The following CSTPP1 variants were observed in gnomAD, a reference collection of about 807,000 sequenced individuals.
The protein encoded by CSTPP1 is UPF0705 protein C11orf49.
At chr11:46,978,491 A>G in the CSTPP1 span, among the ~76,000 whole-genome samples, 1 of 152,228 alleles carries the variant, frequency 6.6e-6, no homozygotes, top group Non-Finnish European at 1.5e-5. Context: ...GTGTTTTTAT[A>G]CCATTAATTT....
the CSTPP1 span, among the ~76,000 whole-genome samples, chr11:47,141,137 A>G: frequency 6.6e-6 from 1 of 152,224 alleles, no homozygotes; most frequent in Non-Finnish European, 1.5e-5. Context: ...CATTTAAAGT[A>G]TAAAATTCAA....
the CSTPP1 span, chr11:46,987,920 TCAAAA>T: frequency 6.6e-6 from 1 of 152,398 alleles, no homozygotes; most frequent in Non-Finnish European, 1.5e-5. Flanking sequence ...TAGACACTTC[TCAAAA>T]CAAGACATAC....
chr11:46,984,833 T>A, the CSTPP1 span, among the ~76,000 whole-genome samples: 1 of 151,838 alleles, frequency 6.6e-6, no homozygotes. Flanking sequence ...TTTTATAAGA[T>A]CAGGATAAAC....
At chr11:47,029,304 G>T in the CSTPP1 span, among the ~76,000 whole-genome samples, 3 of 151,964 alleles carry the variant, frequency 2.0e-5, no homozygotes, top group Non-Finnish European at 4.4e-5. Flanking sequence ...GCAACACAAG[G>T]TTACTTTAAA....
At chr11:47,062,390 A>T in the CSTPP1 span, among the ~76,000 whole-genome samples, 1 of 152,160 alleles carries the variant, frequency 6.6e-6, no homozygotes, top group Non-Finnish European at 1.5e-5. Context: ...ATTTTATCAG[A>T]GGATAGGTTA....
chr11:47,093,438 C>T, the CSTPP1 span, among the ~76,000 whole-genome samples: 1 of 152,150 alleles, frequency 6.6e-6, no homozygotes, highest in East Asian at 1.9e-4. Context: ...TTATTGAGTA[C>T]CTTGTGTGCC....
chr11:47,159,635 G>A, the CSTPP1 span: 1 of 456,272 alleles, frequency 2.2e-6, no homozygotes, highest in East Asian at 7.0e-5. Context: ...ACCAGTAGCA[G>A]CCACTAGGAA....
the CSTPP1 span, among the ~76,000 whole-genome samples, chr11:47,008,522 G>A: frequency 1.3e-5 from 2 of 151,406 alleles, no homozygotes; most frequent in East Asian, 3.9e-4. Flanking sequence ...AAAGTTTTTT[G>A]TAAAGATTTG....
the CSTPP1 span, among the ~76,000 whole-genome samples, chr11:47,062,442 A>G: frequency 6.6e-6 from 1 of 152,220 alleles, no homozygotes; most frequent in Non-Finnish European, 1.5e-5. Context: ...TATATTGTAT[A>G]GGAACTTCTG....
At chr11:47,124,257 G>A in the CSTPP1 span, among the ~76,000 whole-genome samples, 1 of 150,074 alleles carries the variant, frequency 6.7e-6, no homozygotes, top group South Asian at 2.1e-4. Flanking sequence ...CTGAGTAGCT[G>A]GGATTACAGG....
the CSTPP1 span, chr11:46,948,043 A>T: frequency 2.2e-6 from 1 of 456,290 alleles, no homozygotes; most frequent in East Asian, 6.9e-5. Flanking sequence ...TGAAACAATA[A>T]CACTTTTGAA....
the CSTPP1 span, among the ~76,000 whole-genome samples, chr11:47,035,396 T>C: frequency 6.6e-6 from 1 of 152,328 alleles, no homozygotes; most frequent in Non-Finnish European, 1.5e-5. Flanking sequence ...ATGAGAACCA[T>C]GAGAGATCAC....
chr11:47,140,198 C>A, the CSTPP1 span, among the ~76,000 whole-genome samples: 371 of 151,956 alleles, frequency 2.4e-3, 1 homozygote, highest in African/African-American at 8.2e-3. Flanking sequence ...GGATAATTTT[C>A]TTTCCTGATG....
At chr11:46,990,486 T>C in the CSTPP1 span, among the ~76,000 whole-genome samples, 3 of 152,336 alleles carry the variant, frequency 2.0e-5, no homozygotes, top group East Asian at 5.8e-4. Flanking sequence ...CATTTTTAAA[T>C]GGGGTTATTT....
chr11:47,002,849 T>G, the CSTPP1 span, among the ~76,000 whole-genome samples: 5 of 152,222 alleles, frequency 3.3e-5, no homozygotes, highest in Admixed American at 2.0e-4. Flanking sequence ...CTTGATTTAT[T>G]TCAATCTATA....
chr11:46,945,732 C>G, the CSTPP1 span, among the ~76,000 whole-genome samples: 1 of 152,154 alleles, frequency 6.6e-6, no homozygotes. Context: ...AATACCTTCT[C>G]TATATAAAGC....
the CSTPP1 span, among the ~76,000 whole-genome samples, chr11:46,960,202 A>G: frequency 1.3e-4 from 20 of 152,056 alleles, no homozygotes; most frequent in African/African-American, 4.6e-4. Context: ...GTCTCAATAT[A>G]TTGCCCAGGC....
chr11:47,130,099 G>A, the CSTPP1 span, among the ~76,000 whole-genome samples: 3 of 152,016 alleles, frequency 2.0e-5, no homozygotes, highest in East Asian at 5.8e-4. Context: ...TCTACTAAAA[G>A]TACAAAAATT....
chr11:47,121,206 C>A, the CSTPP1 span, among the ~76,000 whole-genome samples: 4 of 152,088 alleles, frequency 2.6e-5, no homozygotes, highest in African/African-American at 9.7e-5. Context: ...GTAGTTAATG[C>A]CTAATTATAG....
Sources: gnomAD v4.1 joint callset for allele counts (sites outside exome capture counted in the v4.1 genomes callset) on GRCh38, gnomAD v4.1.1 for gene constraint, MANE v1.5 for transcripts, NCBI Gene and HGNC (gene_info 2026-07-23, HGNC 2026-07-21) for gene names.